Variants in ROBO1 observed in about 807,000 individuals in gnomAD.
ROBO1 encodes roundabout homolog 1.
In ROBO1, 149 loss-of-function variants were observed where a neutral mutation model predicts 195.9. The ratio of observed to expected loss-of-function variants is 0.76; its 90% CI spans 0.67 to 0.87. The LOEUF is 0.87. Among genes scored for constraint, ROBO1 ranks in the 40% least tolerant of loss-of-function variants. The pLI, the probability that ROBO1 is intolerant of heterozygous loss-of-function variation, is 0.00. For synonymous variants in ROBO1, 816 were observed against 733.2 expected (o/e 1.11, Z -1.82); for missense variants, 1,933 against 2,068.3 (o/e 0.93, Z 1.27).
At chr3:79,687,766 C>T (rs990564817) in intron 1 of ROBO1, among the ~76,000 whole-genome samples, 2 of 152,102 alleles carry the variant, frequency 1.3e-5, no homozygotes, top group East Asian at 1.9e-4. Flanking sequence ...TTTTACACTG[C>T]TGGTGGGACC....
chr3:78,637,362 A>C lies in ROBO1; in HGVS notation c.3038-1254T>G, dbSNP rs1705587045. On this transcript the variant is annotated intron_variant, in intron 22 of 30. Coordinates refer to ENST00000464233, the MANE Select transcript of ROBO1 (RefSeq NM_002941.4). ...AGTTTTGTTTAACAGTGGTTAAGAA[A>C]TACTATAAAGATCATGTGGTTTTTG... Among the ~76,000 whole-genome samples, 4 of 152,118 alleles carry C rather than the reference A, an allele frequency of 2.6e-5. No homozygotes were observed. The South Asian group carries it at 8.3e-4, about 32-fold the overall frequency.
At chr3:79,250,510 T>C (rs919165190) in intron 2 of ROBO1, among the ~76,000 whole-genome samples, 14 of 152,154 alleles carry the variant, frequency 9.2e-5, no homozygotes, top group African/African-American at 3.4e-4. Flanking sequence ...TTCAGAAATA[T>C]CTAGTTTCAA....
intron 3 of ROBO1, among the ~76,000 whole-genome samples, chr3:78,975,426 G>C (rs1243908574): frequency 6.6e-6 from 1 of 152,074 alleles, no homozygotes; most frequent in Non-Finnish European, 1.5e-5. Context: ...TGAGAATATT[G>C]AGAGAGAATA....
intron 2 of ROBO1, among the ~76,000 whole-genome samples, chr3:79,127,199 T>C (rs1235084067): frequency 6.6e-6 from 1 of 152,154 alleles, no homozygotes; most frequent in African/African-American, 2.4e-5. Flanking sequence ...ACACGTTGTT[T>C]AGGTCAAACT....
chr3:78,650,567 T>C (rs987880360), intron 19 of ROBO1, among the ~76,000 whole-genome samples: 1 of 152,200 alleles, frequency 6.6e-6, no homozygotes, highest in Admixed American at 6.6e-5. Context: ...CTAGCTAACA[T>C]GAAAAATTCT....
intron 2 of ROBO1, among the ~76,000 whole-genome samples, chr3:79,226,519 CTTTCA>C (rs908861873): frequency 6.6e-6 from 1 of 151,262 alleles, no homozygotes; most frequent in African/African-American, 2.4e-5. Flanking sequence ...AATCCTTCAA[CTTTCA>C]TTTCATTTTT....
chr3:79,592,524 G>A (rs1305273965), intron 1 of ROBO1, among the ~76,000 whole-genome samples: 1 of 151,926 alleles, frequency 6.6e-6, no homozygotes, highest in Non-Finnish European at 1.5e-5. Flanking sequence ...GTACTTTGAA[G>A]TTTTGGTTTG....
At position 78,698,365 on chromosome 3, in the gene ROBO1, GA is replaced by G. The variant is rs569252900; in HGVS notation, c.1046-9594del. The stretch of plus-strand genomic sequence containing the variant: ...ATACTAGGTATGATTTCTTTTGGGG[GA>G]AAAGATTGAGTTTAACTTAAAAGCC... On this transcript the variant is annotated intron_variant, in intron 8 of 30. Coordinates refer to ENST00000464233, the MANE Select transcript of ROBO1 (RefSeq NM_002941.4). Among the ~76,000 whole-genome samples, 140 of 152,174 alleles carry G rather than the reference GA, an allele frequency of 9.2e-4. 1 individual carries two copies. Among genetic ancestry groups the G allele is most frequent in the African/African-American group, 3.0e-3 (124 of 41,530 alleles).
intron 2 of ROBO1, among the ~76,000 whole-genome samples, chr3:79,337,775 G>T (rs971385763): frequency 1.3e-5 from 2 of 152,232 alleles, no homozygotes; most frequent in African/African-American, 4.8e-5. Flanking sequence ...GCTAAAATAT[G>T]TGCTGCAACT....
intron 2 of ROBO1, among the ~76,000 whole-genome samples, chr3:79,209,032 G>A (rs1039424216): frequency 1.3e-5 from 2 of 151,554 alleles, no homozygotes; most frequent in Admixed American, 1.3e-4. Flanking sequence ...AATAGTTTTG[G>A]GGGGAACAGG....
At chr3:78,711,419 C>CT (rs2081730219) in intron 8 of ROBO1, among the ~76,000 whole-genome samples, 2 of 96,316 alleles carry the variant, frequency 2.1e-5, no homozygotes, top group Non-Finnish European at 4.0e-5. Flanking sequence ...TTCTTTCTTT[C>CT]TTTCTTTCTT....
At chr3:78,662,200 T>C (rs9864412) in intron 14 of ROBO1, 86 bp from the exon 15 acceptor site, 591,570 of 1,266,680 alleles carry the variant, frequency 0.47, 142,934 homozygotes, top group Middle Eastern at 0.52. Context: ...TGTTCATTCA[T>C]AGCAACTCTC....
chr3:78,767,765 A>G (rs1056840041), intron 4 of ROBO1, among the ~76,000 whole-genome samples: 1 of 152,088 alleles, frequency 6.6e-6, no homozygotes, highest in African/African-American at 2.4e-5. Flanking sequence ...GGTGTCAGTT[A>G]TAGTATCTCC....
intron 2 of ROBO1, among the ~76,000 whole-genome samples, chr3:79,306,864 A>G: frequency 6.6e-6 from 1 of 152,240 alleles, no homozygotes; most frequent in Non-Finnish European, 1.5e-5. Flanking sequence ...TGTAAAAGGA[A>G]TATTTCCACA....
chr3:79,543,675 C>CAG (rs747273016), intron 2 of ROBO1, among the ~76,000 whole-genome samples: 5 of 152,048 alleles, frequency 3.3e-5, no homozygotes, highest in Non-Finnish European at 7.4e-5. Flanking sequence ...TTTCCTCCAA[C>CAG]AGAGGCAAGC....
At chr3:79,634,074 A>G (rs1945426544) in intron 1 of ROBO1, among the ~76,000 whole-genome samples, 2 of 152,176 alleles carry the variant, frequency 1.3e-5, no homozygotes, top group African/African-American at 4.8e-5. Context: ...ACTTATACCT[A>G]AGAAACTTAG....
intron 2 of ROBO1, among the ~76,000 whole-genome samples, chr3:79,524,095 G>A (rs1941327896): frequency 1.3e-5 from 2 of 152,054 alleles, no homozygotes; most frequent in South Asian, 4.1e-4. Context: ...TGGGATAGGA[G>A]TTTGGGACCA....
intron 1 of ROBO1, among the ~76,000 whole-genome samples, chr3:79,642,570 A>G (rs73849395): frequency 0.016 from 2,422 of 152,284 alleles, 58 homozygotes; most frequent in African/African-American, 0.056. Context: ...TCATCTAGAA[A>G]CACAAGTCTC....
chr3:79,012,086 G>A (rs1389927783), intron 3 of ROBO1, among the ~76,000 whole-genome samples: 2 of 152,132 alleles, frequency 1.3e-5, no homozygotes, highest in Non-Finnish European at 2.9e-5. Flanking sequence ...CTAACCAAGA[G>A]CATCTTGAGA....
Sources: gnomAD v4.1 joint callset for allele counts (sites outside exome capture counted in the v4.1 genomes callset) on GRCh38, gnomAD v4.1.1 for gene constraint, MANE v1.5 for transcripts, NCBI Gene and HGNC (gene_info 2026-07-23, HGNC 2026-07-21) for gene names.